Variants in DOCK1 observed in about 807,000 individuals in gnomAD.
The protein encoded by DOCK1 is dedicator of cytokinesis 1.
In DOCK1, 138 loss-of-function variants were observed where a neutral mutation model predicts 262.7. That is an observed-to-expected ratio of 0.53 (90% CI 0.46 to 0.61). DOCK1 has a LOEUF of 0.61. Among genes scored for constraint, DOCK1 ranks in the 20% least tolerant of loss-of-function variants. DOCK1 has a pLI of 0.00. For missense variants in DOCK1, 1,908 were observed against 2,370.7 expected (o/e 0.80, Z 4.05); for synonymous variants, 866 against 867.4 (o/e 1.00, Z 0.03).
chr10:127,160,842 A>C (rs1057359505), intron 27 of DOCK1, among the ~76,000 whole-genome samples: 1 of 151,966 alleles, frequency 6.6e-6, no homozygotes, highest in African/African-American at 2.4e-5. Context: ...GGATGCAACA[A>C]CCGTTTTTTT....
At chr10:127,443,422 G>T (rs992704351) in intron 49 of DOCK1, among the ~76,000 whole-genome samples, 1 of 152,160 alleles carries the variant, frequency 6.6e-6, no homozygotes, top group Non-Finnish European at 1.5e-5. Flanking sequence ...GTTCTGTGTT[G>T]TGGTTTTTAT....
chr10:126,984,679 T>C (rs2039234936), intron 4 of DOCK1, among the ~76,000 whole-genome samples: 1 of 152,152 alleles, frequency 6.6e-6, no homozygotes, highest in African/African-American at 2.4e-5. Flanking sequence ...AAAAAATTAT[T>C]TTTAGATTTG....
intron 48 of DOCK1, among the ~76,000 whole-genome samples, chr10:127,435,268 T>C (rs986437044): frequency 6.6e-6 from 1 of 152,166 alleles, no homozygotes; most frequent in Admixed American, 6.5e-5. Flanking sequence ...TGTTTGTGTG[T>C]CCAATCCCAT....
intron 27 of DOCK1, among the ~76,000 whole-genome samples, chr10:127,188,822 A>G (rs2134066213): frequency 1.3e-5 from 2 of 152,346 alleles, no homozygotes; most frequent in South Asian, 4.1e-4. Context: ...TCATTCTCCA[A>G]ACACCCTCTG....
chr10:127,122,499 A>T (rs1034193473), intron 25 of DOCK1, among the ~76,000 whole-genome samples: 1 of 151,968 alleles, frequency 6.6e-6, no homozygotes, highest in Non-Finnish European at 1.5e-5. Flanking sequence ...CTCAAGCAGC[A>T]TCTCATTTTG....
At chr10:127,078,468 T>C (rs2046700114) in intron 23 of DOCK1, among the ~76,000 whole-genome samples, 1 of 152,118 alleles carries the variant, frequency 6.6e-6, no homozygotes, top group South Asian at 2.1e-4. Context: ...CTGGGGTTGG[T>C]ACCTCCTCTG....
chr10:126,965,079 G>A (rs1461765730), intron 1 of DOCK1, among the ~76,000 whole-genome samples: 2 of 152,174 alleles, frequency 1.3e-5, no homozygotes, highest in Non-Finnish European at 2.9e-5. Context: ...GTGTCTGATG[G>A]GAGAGACAGA....
In DOCK1 at chr10:127,100,403, G is replaced by A. The variant is rs74380234; in HGVS notation, c.2446-5828G>A. The stretch of plus-strand genomic sequence containing the variant: ...CTGTGGCATGCAGCTGGGGCTTGGC[G>A]GTGCAGCGCCTGGCACTGGAATCCC... On this transcript the variant is annotated intron_variant, in intron 23 of 51. Coordinates refer to ENST00000623213, the MANE Select transcript of DOCK1 (RefSeq NM_001290223.2). The surrounding 1 kb of genome is among the most constrained non-coding windows in gnomAD (Gnocchi z 5.5). Among the ~76,000 whole-genome samples, 5,801 of 152,294 alleles carry A rather than the reference G, an allele frequency of 0.038. 169 individuals carry two copies. Among genetic ancestry groups the A allele is most frequent in the Middle Eastern group, 0.085 (25 of 294 alleles).
chr10:127,356,823 C>T (rs932229127), intron 32 of DOCK1, among the ~76,000 whole-genome samples: 7 of 152,160 alleles, frequency 4.6e-5, no homozygotes, highest in Non-Finnish European at 1.0e-4. Flanking sequence ...ATCTTTTACC[C>T]TGGCCCCTCC....
chr10:127,018,866 C>G, intron 13 of DOCK1, 31 bp downstream of exon 13: 2 of 1,610,684 alleles, frequency 1.2e-6, no homozygotes, highest in Non-Finnish European at 1.7e-6. Context: ...GGCTTCTCAG[C>G]ATGGCATGGG....
At chr10:127,354,988 G>C (rs375397636) in intron 32 of DOCK1, among the ~76,000 whole-genome samples, 1 of 152,214 alleles carries the variant, frequency 6.6e-6, no homozygotes, top group African/African-American at 2.4e-5. Flanking sequence ...GTGGCTTGGA[G>C]CTCCTCCCTC....
intron 27 of DOCK1, among the ~76,000 whole-genome samples, chr10:127,148,761 C>A (rs1238390285): frequency 6.6e-6 from 1 of 152,160 alleles, no homozygotes; most frequent in African/African-American, 2.4e-5. Flanking sequence ...ATAATTACGG[C>A]ATATTTTGAC....
intron 27 of DOCK1, among the ~76,000 whole-genome samples, chr10:127,140,307 C>G (rs1052936132): frequency 1.3e-5 from 2 of 152,156 alleles, no homozygotes; most frequent in South Asian, 4.1e-4. Context: ...CTTTATCTGT[C>G]GAGTTGATTC....
At chr10:127,447,677 C>G (rs564047348) in intron 51 of DOCK1, 132 bp downstream of exon 51, 1 of 1,399,700 alleles carries the variant, frequency 7.1e-7, no homozygotes, top group Non-Finnish European at 9.5e-7. Flanking sequence ...ATGATGGGCC[C>G]GGGTTTGATT....
chr10:126,947,144 G>A (rs1322388845), intron 1 of DOCK1, among the ~76,000 whole-genome samples: 3 of 152,206 alleles, frequency 2.0e-5, no homozygotes, highest in Non-Finnish European at 4.4e-5. Flanking sequence ...TCATAGGGTT[G>A]ATATGGGATG....
intron 38 of DOCK1, among the ~76,000 whole-genome samples, chr10:127,387,727 A>G (rs971398919): frequency 1.3e-5 from 2 of 152,156 alleles, no homozygotes; most frequent in Non-Finnish European, 2.9e-5. Flanking sequence ...TCATTACATT[A>G]TGGACGTGTG....
At chr10:127,411,174 C>T (rs1188560777) in intron 43 of DOCK1, among the ~76,000 whole-genome samples, 1 of 152,168 alleles carries the variant, frequency 6.6e-6, no homozygotes, top group Non-Finnish European at 1.5e-5. Flanking sequence ...AATGCCGGAG[C>T]TCCCATATGA....
intron 4 of DOCK1, among the ~76,000 whole-genome samples, chr10:126,983,267 G>T (rs530588930): frequency 6.6e-6 from 1 of 152,268 alleles, no homozygotes; most frequent in Non-Finnish European, 1.5e-5. Context: ...AAGCCTAGCT[G>T]CCCAACAGCT....
intron 26 of DOCK1, among the ~76,000 whole-genome samples, chr10:127,125,901 T>C (rs1047460991): frequency 3.9e-5 from 6 of 152,178 alleles, no homozygotes; most frequent in Admixed American, 3.3e-4. Context: ...ATGCTTAAAG[T>C]TGGCTAATTA....
Sources: allele counts gnomAD v4.1 joint callset (sites outside exome capture counted in the v4.1 genomes callset), GRCh38; gene constraint gnomAD v4.1.1; non-coding constraint Gnocchi (gnomAD v3.1); transcripts MANE v1.5; gene names NCBI Gene and HGNC (gene_info 2026-07-23, HGNC 2026-07-21).